The following ATP6AP1 variants were observed in gnomAD, a reference collection of about 807,000 sequenced individuals.
The protein encoded by ATP6AP1 is V-type proton ATPase subunit S1.
A neutral mutation model predicts 32.0 loss-of-function variants in ATP6AP1; 1 was observed. The observed-to-expected ratio is 0.03, with a 90% CI of 0.01 to 0.15. ATP6AP1 has a LOEUF of 0.15. Among genes scored for constraint, ATP6AP1 ranks in the 10% least tolerant of loss-of-function variants. ATP6AP1 has a pLI of 1.00. For synonymous variants in ATP6AP1, 187 were observed against 174.9 expected, an observed-to-expected ratio of 1.07 and a Z score of -0.55; for missense variants, 297 against 398.8, an observed-to-expected ratio of 0.74 and a Z score of 2.17.
intron 9 of ATP6AP1, 71 bp from the exon 10 acceptor site, chrX:154,435,611 C>CGCT: frequency 8.5e-7 from 1 of 1,171,284 alleles, no homozygotes. Flanking sequence ...CCTGTCCCTG[C>CGCT]GCTGCCCCTG....
Position 154,435,461 on chromosome X carries a change from C to T in ATP6AP1, c.1159C>T (p.Arg387Cys), listed in dbSNP as rs781921302. Residue 387 changes from arginine to cysteine, a missense_variant, in exon 9 of 10, where the codon CGC (arginine) becomes TGC (cysteine). This residue lies in a region of ATP6AP1 where 155 missense variants were observed against 253.8 expected (regional missense o/e 0.61). Transcript: ENST00000369762. ...LSKKGSLLVA[R>C]TQPSPWQMML... Reference sequence around the variant, plus strand: ...CAAGAAGGGTAGTCTCCTCGTGGCCCGCACGCAGCCCTCTCCCTGGCAGAT... The same window carrying T: ...CAAGAAGGGTAGTCTCCTCGTGGCCTGCACGCAGCCCTCTCCCTGGCAGAT... 6 of 1,211,936 alleles carry T rather than the reference C, an allele frequency of 5.0e-6. No homozygotes were observed. Among genetic ancestry groups the T allele is most frequent in the Admixed American group, 4.3e-5 (2 of 46,097 alleles).
intron 8 of ATP6AP1, 38 bp from the exon 9 acceptor site, chrX:154,435,236 C>T (rs782692772): frequency 1.7e-6 from 2 of 1,209,110 alleles, no homozygotes; most frequent in South Asian, 1.8e-5. Flanking sequence ...TGGCCCCAGC[C>T]TCCCCAGCTC....
chrX:154,429,065 C>T lies in ATP6AP1; in HGVS notation c.179C>T (p.Ala60Val). ...CCTGCCAGGGACTTGTGGGCTCCTG[C>T]GGCCGACACTCATGAAGGCCACATC... is the stretch of plus-strand genomic sequence containing the variant. The part of the protein sequence containing the change: ...WSSDRDLWAP[A>V]ADTHEGHITS... Residue 60 changes from alanine (A) to valine (V), a missense_variant, in exon 2 of 10, where the codon GCG becomes GTG. Ala to Val is a moderately conservative substitution (Grantham distance 64, BLOSUM62 0). Around this residue, in one of 2 missense-constraint regions of ATP6AP1, gnomAD observed 142 missense variants for 145.0 expected, o/e 0.98. Coordinates refer to ENST00000369762, the MANE Select transcript of ATP6AP1 (RefSeq NM_001183.6). 8.3e-7 allele frequency: 1 copy of T among 1,211,581 alleles called. No individual in the cohort carries two copies.
At chrX:154,433,020 G>A (rs782382871) in intron 5 of ATP6AP1, 49 bp downstream of exon 5, 4 of 1,186,791 alleles carry the variant, frequency 3.4e-6, no homozygotes, top group Non-Finnish European at 3.4e-6. Flanking sequence ...CCTTGGGTGG[G>A]GGCCACAGAG....
chrX:154,431,816 T>G lies in ATP6AP1; in HGVS notation c.289-14T>G, dbSNP rs782174698. 1.7e-6 allele frequency: 2 copies of G among 1,210,113 alleles called. No individual in the cohort carries two copies. Among genetic ancestry groups the G allele is most frequent in the East Asian group, 5.9e-5 (2 of 33,829 alleles). On this transcript the variant is annotated splice_polypyrimidine_tract_variant and intron_variant, in intron 2 of 9. Transcript: ENST00000369762. Reference sequence around the variant, plus strand: ...GCCAAACCTCCTCAGATGTCTCCCCTATTTCCCTAATAGCTGAGCATTGAG... The same window carrying G: ...GCCAAACCTCCTCAGATGTCTCCCCGATTTCCCTAATAGCTGAGCATTGAG...
Position 154,435,972 on chromosome X carries a change from G to GGGAAGCT in ATP6AP1, c.*81_*82insGGAAGCT. On this transcript the variant is annotated 3_prime_UTR_variant, in exon 10 of 10. Transcript: ENST00000369762. ...ACCCTGCAGCGCACTGGACTGAAGA[G>GGGAAGCT]CTTCCCTCTTCCTACTGCAGCATGA... is the stretch of plus-strand genomic sequence containing the variant. 1 of 952,749 alleles carries GGGAAGCT rather than the reference G, an allele frequency of 1.0e-6. No homozygotes were observed. The highest frequency in any genetic ancestry group is 1.5e-6 in the Non-Finnish European group (1 of 673,792). The allele number at this position is 952,749 out of a possible 1,213,427, so 78.5% of individuals were successfully genotyped here.
chrX:154,432,594 C>T, intron 4 of ATP6AP1, 135 bp downstream of exon 4: 2 of 913,846 alleles, frequency 2.2e-6, no homozygotes, highest in East Asian at 3.4e-5. Flanking sequence ...CAGAAGGTGC[C>T]CTGTGTGGCC....
intron 7 of ATP6AP1, 140 bp from the exon 8 acceptor site, chrX:154,434,996 TGTC>T (rs1216720947): frequency 1.6e-6 from 1 of 638,049 alleles, no homozygotes; most frequent in Non-Finnish European, 2.4e-6. Context: ...TTTTCCTATC[TGTC>T]AAGTGGGGAC....
chrX:154,428,994 A>C (rs1002852664), intron 1 of ATP6AP1, 54 bp from the exon 2 acceptor site: 1 of 1,190,057 alleles, frequency 8.4e-7, no homozygotes, highest in African/African-American at 1.8e-5. Flanking sequence ...CCGGCGACAG[A>C]GCTCCAGTCC....
Position 154,429,203 on chromosome X carries a change from G to C in ATP6AP1, c.288+29G>C, listed in dbSNP as rs782586448. On this transcript the variant is annotated intron_variant, in intron 2 of 9. Coordinates refer to ENST00000369762, the MANE Select transcript of ATP6AP1 (RefSeq NM_001183.6). The stretch of plus-strand genomic sequence containing the variant: ...CGCCCGCCCCAGCCCACTCTCCCCC[G>C]GTCATCGGGAGGCAGCCAGGCCCCC... 68 of 1,205,013 alleles carry C rather than the reference G, an allele frequency of 5.6e-5. No individual in the cohort carries two copies. In the Admixed American group the frequency reaches 1.5e-3, roughly 26 times the overall value.
Position 154,432,270 on chromosome X carries a change from C to A in ATP6AP1, c.368C>A (p.Ala123Asp). Residue 123 changes from alanine (A) to aspartate (D), a missense_variant, in exon 4 of 10, where the codon GCC (alanine) becomes GAC (aspartate). Physicochemically the swap from Ala to Asp is moderately radical, Grantham distance 126 (BLOSUM62 -2). Transcript: ENST00000369762. ...QDSAFSNLEN[A>D]LDLAPSSLVL... The stretch of plus-strand genomic sequence containing the variant: ...TTGCCTCTCCCCTGTCCCCAGAATG[C>A]CCTGGACCTGGCCCCCTCCTCACTG... The A allele has an allele frequency of 8.3e-7, 1 of 1,202,537 alleles. No individual in the cohort carries two copies. The highest frequency in any genetic ancestry group is 1.1e-6 in the Non-Finnish European group (1 of 889,229).
In ATP6AP1 at chrX:154,432,985, G is replaced by A. The variant is rs781884675; in HGVS notation, c.598+14G>A. The stretch of plus-strand genomic sequence containing the variant: ...TCACAGGCAACGGTGAGTAGAATCA[G>A]GGAGGATGCACGTCCTCATCTAGCC... On this transcript the variant is annotated intron_variant, in intron 5 of 9. Coordinates refer to ENST00000369762, the MANE Select transcript of ATP6AP1 (RefSeq NM_001183.6). The A allele has an allele frequency of 8.3e-7, 1 of 1,210,438 alleles. No individual in the cohort carries two copies. The highest frequency in any genetic ancestry group is 2.2e-5 in the Admixed American group (1 of 46,088).
rs782201766 is a variant in ATP6AP1 at position 154,428,721 on chromosome X, T to A, written c.29T>A (p.Val10Glu). ...ATGGCGGCCATGGCGACGGCTCGAG[T>A]GCGGATGGGGCCGCGGTGCGCCCAG... Reference protein sequence around the residue: MMAAMATARVRMGPRCAQAL... With the variant: MMAAMATARERMGPRCAQAL... The change falls in exon 1 of 10, where the codon GTG becomes GAG. Residue 10 changes from valine (V) to glutamate (E), a missense_variant. By Grantham distance (121) the Val-to-Glu change is moderately radical. Around this residue, in one of 2 missense-constraint regions of ATP6AP1, gnomAD observed 142 missense variants for 145.0 expected, o/e 0.98. Coordinates refer to ENST00000369762, the MANE Select transcript of ATP6AP1 (RefSeq NM_001183.6). 5.2e-5 allele frequency: 60 copies of A among 1,148,654 alleles called. No individual in the cohort carries two copies. Among genetic ancestry groups the A allele is most frequent in the Non-Finnish European group, 6.7e-5 (58 of 868,342 alleles). The allele number at this position is 1,148,654 out of a possible 1,213,427, so 94.7% of individuals were successfully genotyped here. A position where few individuals can be genotyped will look rare whatever the true frequency, so the allele number is the denominator to read the frequency against.
chrX:154,432,322 A>G lies in ATP6AP1; in HGVS notation c.420A>G (p.Ala140=), dbSNP rs1360871964. Residue 140 remains alanine, a synonymous_variant, in exon 4 of 10, where the codon GCA becomes GCG. Transcript: ENST00000369762. ...TGCTTCCTGCCGTCGACTGGTATGC[A>G]GTCAGCACTCTGACCACTTACCTGC... ...SLVLPAVDWY[A]VSTLTTYLQE... is the part of the protein sequence containing the mutation. The G allele has an allele frequency of 8.3e-7, 1 of 1,211,167 alleles. No homozygotes were observed. Among genetic ancestry groups the G allele is most frequent in the Non-Finnish European group, 1.1e-6 (1 of 895,331 alleles).
chrX:154,431,694 G>T (rs1557196802), intron 2 of ATP6AP1, 136 bp from the exon 3 acceptor site: 21 of 528,616 alleles, frequency 4.0e-5, no homozygotes, highest in Middle Eastern at 5.6e-4. Flanking sequence ...ACACACAGTT[G>T]TGCTCCACCA....
Position 154,435,599 on chromosome X carries a change from G to A in ATP6AP1, c.1204-83G>A. 5.1e-6 allele frequency: 6 copies of A among 1,169,994 alleles called. No homozygotes were observed. The East Asian group carries it at 1.5e-4, about 29-fold the overall frequency. ...CTTGGGCTTGGGCATGTAGTTGAGAGTCCTGTCCCTGCGCTGCCCCTGTCC... is the reference window on the plus strand; with the variant it reads ...CTTGGGCTTGGGCATGTAGTTGAGAATCCTGTCCCTGCGCTGCCCCTGTCC... On this transcript the variant is annotated intron_variant, in intron 9 of 9. Transcript: ENST00000369762.
At chrX:154,432,831 G>T in intron 4 of ATP6AP1, 100 bp from the exon 5 acceptor site, 1 of 988,495 alleles carries the variant, frequency 1.0e-6, no homozygotes, top group Admixed American at 2.3e-5. Context: ...GGCTTGGTGC[G>T]TGGGGCTAGT....
rs782086955 is a variant in ATP6AP1, at chrX:154,432,832, T to G, written c.558-99T>G. 5 of 993,377 alleles carry G rather than the reference T, an allele frequency of 5.0e-6. No individual in the cohort carries two copies. In the African/African-American group the frequency reaches 9.5e-5, roughly 19 times the overall value. 81.9% of individuals were successfully genotyped at this position (993,377 alleles called of 1,213,427 possible). ...GGTAAGAGTGTGCAGGCTTGGTGCG[T>G]GGGGCTAGTGGGGAGGAGAAGCTGG... On this transcript the variant is annotated intron_variant, in intron 4 of 9. Transcript: ENST00000369762.
chrX:154,430,410 C>T (rs189538936), intron 2 of ATP6AP1: 3 of 112,372 alleles, frequency 2.7e-5, no homozygotes, highest in African/African-American at 9.7e-5. Context: ...TGAGCCACCG[C>T]GCCCGGCCTG....
Sources: allele counts gnomAD v4.1 joint callset, GRCh38; gene constraint gnomAD v4.1.1; regional missense constraint gnomAD v4.1.1; transcripts MANE v1.5; gene names NCBI Gene and HGNC (gene_info 2026-07-23, HGNC 2026-07-21).